Variants in PRKG1 observed in about 807,000 individuals in gnomAD.
PRKG1 encodes the protein cGMP-dependent protein kinase 1.
Under a neutral mutation model 88.1 loss-of-function variants are expected in PRKG1, and 35 were observed. The ratio of observed to expected loss-of-function variants is 0.40; its 90% CI spans 0.30 to 0.53. The LOEUF is 0.53. PRKG1 is among the 20% of genes least tolerant of loss of function. The pLI, the probability that PRKG1 is intolerant of heterozygous loss-of-function variation, is 0.59. For missense variants in PRKG1, 540 were observed against 839.8 expected, an observed-to-expected ratio of 0.64 and a Z score of 4.41; for synonymous variants, 303 against 292.5, an observed-to-expected ratio of 1.04 and a Z score of -0.37.
At chr10:51,882,653 T>A (rs1027270358) in intron 4 of PRKG1, among the ~76,000 whole-genome samples, 1 of 152,222 alleles carries the variant, frequency 6.6e-6, no homozygotes, top group Non-Finnish European at 1.5e-5. Context: ...GAATGGCAGT[T>A]ACCAGGCAGT....
intron 4 of PRKG1, among the ~76,000 whole-genome samples, chr10:51,855,851 C>T (rs1840667170): frequency 6.6e-6 from 1 of 152,186 alleles, no homozygotes; most frequent in South Asian, 2.1e-4. Context: ...CTTCCTACTG[C>T]TGCTGTAACA....
chr10:51,969,539 A>G (rs937646386), intron 5 of PRKG1, among the ~76,000 whole-genome samples: 1 of 152,200 alleles, frequency 6.6e-6, no homozygotes, highest in African/African-American at 2.4e-5. Flanking sequence ...ATGCAAAGTC[A>G]TATGAAAGAA....
At chr10:51,183,550 A>ATAG (rs202191724) in intron 2 of PRKG1, among the ~76,000 whole-genome samples, 1 of 96,674 alleles carries the variant, frequency 1.0e-5, no homozygotes, top group African/African-American at 7.4e-5. Context: ...GATATGTTGT[A>ATAG]TTGTTGCATT....
intron 3 of PRKG1, among the ~76,000 whole-genome samples, chr10:51,736,605 CTT>C (rs555514944): frequency 3.1e-4 from 42 of 137,564 alleles, no homozygotes; most frequent in Admixed American, 2.9e-4. Context: ...ATCCATCTTA[CTT>C]TTTTTTTTTT....
At chr10:51,168,570 A>T (rs1026581591) in intron 2 of PRKG1, among the ~76,000 whole-genome samples, 1 of 152,194 alleles carries the variant, frequency 6.6e-6, no homozygotes, top group African/African-American at 2.4e-5. Context: ...ATTTAATAGC[A>T]TAAGGAAGTC....
At chr10:51,113,424 G>C (rs1258936159) in intron 1 of PRKG1, among the ~76,000 whole-genome samples, 1 of 152,090 alleles carries the variant, frequency 6.6e-6, no homozygotes, top group Admixed American at 6.6e-5. Flanking sequence ...TCCCACCAAT[G>C]AAACCAACCA....
intron 3 of PRKG1, among the ~76,000 whole-genome samples, chr10:51,529,523 T>A (rs565145333): frequency 1.3e-4 from 20 of 152,312 alleles, no homozygotes; most frequent in African/African-American, 4.3e-4. Context: ...ACTCCCCATC[T>A]TTCCAATCCT....
At chr10:51,526,508 G>A (rs1841887581) in intron 3 of PRKG1, among the ~76,000 whole-genome samples, 1 of 152,140 alleles carries the variant, frequency 6.6e-6, no homozygotes, top group Non-Finnish European at 1.5e-5. Context: ...AGTCTACCAA[G>A]ACTTTTGAGT....
At chr10:51,201,401 G>A (rs767290253) in intron 2 of PRKG1, among the ~76,000 whole-genome samples, 4 of 152,144 alleles carry the variant, frequency 2.6e-5, no homozygotes, top group Non-Finnish European at 4.4e-5. Context: ...GCAGTGAGCC[G>A]AGATTGTGCC....
intron 3 of PRKG1, among the ~76,000 whole-genome samples, chr10:51,548,080 AATTTGG>A (rs1170348458): frequency 1.3e-5 from 2 of 152,112 alleles, no homozygotes; most frequent in East Asian, 3.9e-4. Flanking sequence ...ATGAAAGAAC[AATTTGG>A]AAGAACAAAT....
intron 2 of PRKG1, among the ~76,000 whole-genome samples, chr10:51,408,710 C>T (rs569724056): frequency 4.6e-5 from 7 of 152,334 alleles, no homozygotes; most frequent in East Asian, 1.9e-4. Flanking sequence ...TTGATGAATC[C>T]GTGTGTAACC....
At position 51,975,250 on chromosome 10, in the gene PRKG1, A is replaced by T. The variant is rs112314096; in HGVS notation, c.762+67680A>T. On this transcript the variant is annotated intron_variant, in intron 5 of 17. Coordinates refer to ENST00000373980, the MANE Select transcript of PRKG1 (RefSeq NM_006258.4). ...ACATACAGATAGCACAATTTGGAATAGAACCCAAATCTGTCTGAGTCTCTC... is the reference window on the plus strand; with the variant it reads ...ACATACAGATAGCACAATTTGGAATTGAACCCAAATCTGTCTGAGTCTCTC... Among the ~76,000 whole-genome samples the T allele has an allele frequency of 4.4e-3, 675 of 152,220 alleles. 3 individuals carry two copies. Among genetic ancestry groups the T allele is most frequent in the African/African-American group, 0.016 (658 of 41,564 alleles).
intron 3 of PRKG1, among the ~76,000 whole-genome samples, chr10:51,612,912 A>G (rs1478258430): frequency 6.6e-6 from 1 of 151,950 alleles, no homozygotes; most frequent in Non-Finnish European, 1.5e-5. Context: ...TTGATATAAT[A>G]TGTCACATTT....
chr10:51,259,714 G>A (rs932948305), intron 2 of PRKG1, among the ~76,000 whole-genome samples: 6 of 152,090 alleles, frequency 3.9e-5, no homozygotes, highest in African/African-American at 1.2e-4. Flanking sequence ...AACCTCAGAT[G>A]ACCCACCCAC....
At chr10:51,188,483 C>A (rs571326267) in intron 2 of PRKG1, among the ~76,000 whole-genome samples, 1 of 151,602 alleles carries the variant, frequency 6.6e-6, no homozygotes, top group East Asian at 1.9e-4. Flanking sequence ...ATCATGTTTT[C>A]ATTAAACATG....
intron 3 of PRKG1, among the ~76,000 whole-genome samples, chr10:51,553,126 T>C (rs569971007): frequency 4.6e-5 from 7 of 151,812 alleles, no homozygotes; most frequent in African/African-American, 1.7e-4. Flanking sequence ...TGTTTAAAGT[T>C]GATAATTTTG....
At chr10:51,714,732 C>A (rs997553907) in intron 3 of PRKG1, among the ~76,000 whole-genome samples, 16 of 152,224 alleles carry the variant, frequency 1.1e-4, no homozygotes, top group African/African-American at 3.9e-4. Flanking sequence ...TCACTTGGAG[C>A]AGTAGTTTTG....
rs74132577 is a variant in PRKG1, at chr10:51,714,520, C to T, written c.593-90065C>T. ...GTAGAATTTTAGGAGAGAAAAAGTTCCTTTATATCTTGAAAGATAGAAGGA... is the reference window on the plus strand; with the variant it reads ...GTAGAATTTTAGGAGAGAAAAAGTTTCTTTATATCTTGAAAGATAGAAGGA... On this transcript the variant is annotated intron_variant, in intron 3 of 17. Transcript: ENST00000373980. Among the ~76,000 whole-genome samples, 992 of 152,142 alleles carry T rather than the reference C, an allele frequency of 6.5e-3. 17 individuals are homozygous for T. The highest frequency in any genetic ancestry group is 0.023 in the African/African-American group (943 of 41,494).
At chr10:51,845,221 T>C (rs1354492876) in intron 4 of PRKG1, among the ~76,000 whole-genome samples, 4 of 152,146 alleles carry the variant, frequency 2.6e-5, no homozygotes, top group African/African-American at 9.7e-5. Flanking sequence ...TTTTATGTTC[T>C]GCATGTCTGG....
Sources: allele counts gnomAD v4.1 joint callset (sites outside exome capture counted in the v4.1 genomes callset), GRCh38; gene constraint gnomAD v4.1.1; transcripts MANE v1.5; gene names NCBI Gene and HGNC (gene_info 2026-07-23, HGNC 2026-07-21).